PDZD2: variants seen among roughly 807,000 people sequenced by gnomAD.
PDZD2 encodes PDZ domain containing 2, also known as PDZ domain-containing protein 2.
A neutral mutation model predicts 220.7 loss-of-function variants in PDZD2; 90 were observed. The observed-to-expected ratio is 0.41, with a 90% confidence interval of 0.34 to 0.49. PDZD2 has a LOEUF of 0.49. Ranked by LOEUF, PDZD2 falls within the 20% of genes least tolerant of loss-of-function variation. The pLI, the probability that PDZD2 is intolerant of heterozygous loss-of-function variation, is 0.28. For synonymous variants in PDZD2, 1,375 were observed against 1,450.5 expected (o/e 0.95, Z 1.18); for missense variants, 3,174 against 3,608.5 (o/e 0.88, Z 3.08).
chr5:32,055,230 C>A lies in PDZD2; in HGVS notation c.1900+1347C>A, dbSNP rs548395442. ...TTTATTGTACTTTAAGAGGCAGGGT[C>A]TTGCTCTGTCATCCAGGCTGGAGTG... On this transcript the variant is annotated intron_variant, in intron 10 of 24. Transcript: ENST00000438447. Among the ~76,000 whole-genome samples, 4 of 152,280 alleles carry A rather than the reference C, an allele frequency of 2.6e-5. No homozygotes were observed. The South Asian group carries it at 6.2e-4, about 24-fold the overall frequency.
intron 2 of PDZD2, chr5:31,908,472 G>A (rs1259684445): frequency 2.2e-6 from 2 of 929,030 alleles, no homozygotes; most frequent in Non-Finnish European, 3.2e-6. Context: ...GTAGGAGAGA[G>A]GGTAACACTG....
At chr5:31,910,690 CT>C (rs757586173) in intron 2 of PDZD2, among the ~76,000 whole-genome samples, 138 of 143,700 alleles carry the variant, frequency 9.6e-4, no homozygotes, top group Non-Finnish European at 9.0e-4. Flanking sequence ...CACACCCAGC[CT>C]TTTTTTTTTT....
chr5:31,938,658 T>G (rs928923947), intron 2 of PDZD2, among the ~76,000 whole-genome samples: 4 of 147,700 alleles, frequency 2.7e-5, no homozygotes, highest in African/African-American at 9.8e-5. Context: ...TGTTGCCACT[T>G]TGGAAAAAAA....
In PDZD2 at chr5:31,854,322, A is replaced by T. The variant is rs1758236636; in HGVS notation, c.476+54598A>T. Among the ~76,000 whole-genome samples, 2 of 152,138 alleles carry T rather than the reference A, an allele frequency of 1.3e-5. 1 individual carries two copies. Among genetic ancestry groups the T allele is most frequent in the South Asian group, 4.2e-4 (2 of 4,818 alleles). On this transcript the variant is annotated intron_variant, in intron 2 of 24. Transcript: ENST00000438447. The stretch of plus-strand genomic sequence containing the variant: ...AGGCCTCCTGGGGGAGGGCTTGTTG[A>T]CTGAACCCCACAGAAGGTGGGAGGG...
intron 1 of PDZD2, among the ~76,000 whole-genome samples, chr5:31,790,676 G>A (rs978067861): frequency 1.2e-4 from 18 of 144,720 alleles, no homozygotes; most frequent in South Asian, 8.9e-4. Flanking sequence ...CTTAGAATCC[G>A]CACCTATCTC....
intron 6 of PDZD2, among the ~76,000 whole-genome samples, chr5:32,028,442 A>G (rs1017490788): frequency 6.6e-6 from 1 of 152,130 alleles, no homozygotes; most frequent in Non-Finnish European, 1.5e-5. Context: ...TTCTAGCCAC[A>G]TTGTCTAGTG....
chr5:32,010,134 C>T (rs1474688495), intron 5 of PDZD2, among the ~76,000 whole-genome samples, 196 bp from the exon 6 acceptor site: 1 of 151,684 alleles, frequency 6.6e-6, no homozygotes, highest in Non-Finnish European at 1.5e-5. Flanking sequence ...CATACATTCT[C>T]TGTGGGGAAA....
intron 2 of PDZD2, chr5:31,847,352 A>T (rs1757640275): frequency 2.4e-6 from 1 of 415,200 alleles, no homozygotes; most frequent in Non-Finnish European, 4.6e-6. Flanking sequence ...AGAGGGTAAA[A>T]CCGATTACTA....
intron 1 of PDZD2, among the ~76,000 whole-genome samples, chr5:31,745,712 A>G (rs538707407): frequency 4.0e-5 from 6 of 150,814 alleles, no homozygotes; most frequent in African/African-American, 1.5e-4. Context: ...AATTTCTTCT[A>G]TTTCTAGTTG....
At chr5:32,097,161 G>T in intron 21 of PDZD2, 118 bp from the exon 22 acceptor site, 1 of 691,624 alleles carries the variant, frequency 1.4e-6, no homozygotes. Context: ...GTGGTGAAAA[G>T]CCCCTCCAAG....
intron 2 of PDZD2, among the ~76,000 whole-genome samples, chr5:31,816,561 T>C (rs945594186): frequency 1.3e-5 from 2 of 152,188 alleles, no homozygotes; most frequent in Non-Finnish European, 2.9e-5. Context: ...ACTTTTCTTT[T>C]TTTTTACAAA....
At chr5:32,036,187 C>T (rs565618444) in intron 6 of PDZD2, among the ~76,000 whole-genome samples, 3 of 152,274 alleles carry the variant, frequency 2.0e-5, no homozygotes, top group East Asian at 3.9e-4. Context: ...AGGATGGTCT[C>T]GATCTCCTGA....
At chr5:31,833,556 T>C (rs563024542) in intron 2 of PDZD2, among the ~76,000 whole-genome samples, 32 of 149,822 alleles carry the variant, frequency 2.1e-4, no homozygotes, top group African/African-American at 7.9e-4. Flanking sequence ...AGTGCTGGGA[T>C]TACAGGCATG....
chr5:31,767,105 C>T (rs1274168408), intron 1 of PDZD2, among the ~76,000 whole-genome samples: 2 of 147,170 alleles, frequency 1.4e-5, no homozygotes, highest in Admixed American at 7.0e-5. Context: ...GATCTTGGCT[C>T]ACTGCAACCT....
intron 19 of PDZD2, among the ~76,000 whole-genome samples, chr5:32,086,291 G>A (rs1742440438): frequency 6.6e-6 from 1 of 152,222 alleles, no homozygotes; most frequent in African/African-American, 2.4e-5. Flanking sequence ...TACTGGGACT[G>A]AGAGGTCCAT....
At chr5:32,084,181 G>T (rs911683356) in intron 19 of PDZD2, among the ~76,000 whole-genome samples, 2 of 152,228 alleles carry the variant, frequency 1.3e-5, no homozygotes, top group Non-Finnish European at 2.9e-5. Context: ...TCCACAGTGG[G>T]CCTGGAAAGC....
At chr5:31,766,742 T>TC (rs1752042008) in intron 1 of PDZD2, among the ~76,000 whole-genome samples, 1 of 151,316 alleles carries the variant, frequency 6.6e-6, no homozygotes, top group Non-Finnish European at 1.5e-5. Flanking sequence ...ATTTTTTTTT[T>TC]TTTTTGAGAC....
chr5:31,654,460 C>T (rs1458375445), intron 1 of PDZD2, among the ~76,000 whole-genome samples: 5 of 152,122 alleles, frequency 3.3e-5, no homozygotes, highest in Non-Finnish European at 7.3e-5. Flanking sequence ...TCTGCGATGT[C>T]TGTCATCCTG....
intron 1 of PDZD2, among the ~76,000 whole-genome samples, chr5:31,734,754 A>G (rs1443365084): frequency 6.6e-6 from 1 of 152,102 alleles, no homozygotes; most frequent in Non-Finnish European, 1.5e-5. Flanking sequence ...GTACCCAATC[A>G]CGAGATTGGT....
Sources: allele counts gnomAD v4.1 joint callset (sites outside exome capture counted in the v4.1 genomes callset), GRCh38; gene constraint gnomAD v4.1.1; transcripts MANE v1.5; gene names NCBI Gene and HGNC (gene_info 2026-07-23, HGNC 2026-07-21).